The following KCNJ12 variants were observed in gnomAD, a reference collection of about 807,000 sequenced individuals.
The protein encoded by KCNJ12 is potassium inwardly rectifying channel subfamily J member 12.
In KCNJ12, 2 loss-of-function variants were observed where a neutral mutation model predicts 22.3. The observed-to-expected ratio is 0.09, with a 90% confidence interval of 0.04 to 0.28. KCNJ12 has a LOEUF of 0.28. Ranked by LOEUF, KCNJ12 falls within the 10% of genes least tolerant of loss-of-function variation. KCNJ12 has a pLI of 1.00. For missense variants in KCNJ12, 155 were observed against 633.3 expected (o/e 0.24, Z 8.11); for synonymous variants, 117 against 261.4 (o/e 0.45, Z 5.33).
intron 1 of KCNJ12, among the ~76,000 whole-genome samples, chr17:21,386,188 C>T (rs1022021616): frequency 3.5e-4 from 53 of 152,352 alleles, no homozygotes; most frequent in Admixed American, 9.8e-4. Context: ...TGGTTCCTCG[C>T]GGAGCCTCTG....
At chr17:21,387,390 C>T (rs1263888681) in intron 1 of KCNJ12, among the ~76,000 whole-genome samples, 5 of 130,070 alleles carry the variant, frequency 3.8e-5, no homozygotes, top group East Asian at 2.2e-4. Flanking sequence ...TGCAGTGAGC[C>T]GAGATCGCGC....
chr17:21,393,447 C>T (rs1323992568), intron 1 of KCNJ12, among the ~76,000 whole-genome samples: 4 of 151,904 alleles, frequency 2.6e-5, no homozygotes, highest in Non-Finnish European at 5.9e-5. Context: ...CTTCTGCGTG[C>T]GCCCTCCCCT....
At chr17:21,412,046 A>G (rs1408206342) in intron 2 of KCNJ12, among the ~76,000 whole-genome samples, 10 of 152,132 alleles carry the variant, frequency 6.6e-5, no homozygotes, top group Admixed American at 5.9e-4. Flanking sequence ...ACACACACGC[A>G]CACACGGCAG....
chr17:21,400,109 C>G (rs1221810802), intron 1 of KCNJ12, among the ~76,000 whole-genome samples: 4 of 152,204 alleles, frequency 2.6e-5, no homozygotes, highest in Non-Finnish European at 5.9e-5. Flanking sequence ...CTACCTAGTA[C>G]TAGAGGGAGT....
At chr17:21,411,296 T>C (rs1574164) in intron 2 of KCNJ12, among the ~76,000 whole-genome samples, 25 of 152,286 alleles carry the variant, frequency 1.6e-4, no homozygotes, top group South Asian at 1.5e-3. Flanking sequence ...CCAGCCCAGG[T>C]CCTGGTCTGT....
At chr17:21,403,709 G>A (rs1444756510) in intron 1 of KCNJ12, among the ~76,000 whole-genome samples, 1 of 152,094 alleles carries the variant, frequency 6.6e-6, no homozygotes, top group Non-Finnish European at 1.5e-5. Flanking sequence ...CTGTGATGAA[G>A]GGAGAGGGTG....
At chr17:21,381,282 G>A (rs1904859124) in intron 1 of KCNJ12, among the ~76,000 whole-genome samples, 1 of 152,102 alleles carries the variant, frequency 6.6e-6, no homozygotes, top group South Asian at 2.1e-4. Flanking sequence ...CTTGGAGAGG[G>A]GCCAGGGAAC....
At chr17:21,407,734 A>AT (rs1906048423) in intron 1 of KCNJ12, among the ~76,000 whole-genome samples, 1 of 148,372 alleles carries the variant, frequency 6.7e-6, no homozygotes, top group African/African-American at 2.5e-5. Context: ...CATCTATCCA[A>AT]CCATCCATCC....
chr17:21,414,389 C>T (rs576309419), intron 2 of KCNJ12, among the ~76,000 whole-genome samples: 15 of 151,628 alleles, frequency 9.9e-5, no homozygotes, highest in African/African-American at 3.4e-4. Flanking sequence ...GCAGGAGAAT[C>T]GCTTGAACCC....
At chr17:21,385,646 C>T (rs1269838652) in intron 1 of KCNJ12, among the ~76,000 whole-genome samples, 1 of 152,226 alleles carries the variant, frequency 6.6e-6, no homozygotes, top group Non-Finnish European at 1.5e-5. Context: ...GACCCCGCTG[C>T]CCTCCTCTTT....
chr17:21,388,667 C>T (rs1162972275), intron 1 of KCNJ12, among the ~76,000 whole-genome samples: 7 of 152,198 alleles, frequency 4.6e-5, no homozygotes, highest in Admixed American at 2.6e-4. Context: ...ATAATGAAAA[C>T]GACTGCTTAC....
rs1555562713 is a variant in KCNJ12, at chr17:21,416,041, C to T, written c.699C>T (p.Ile233=). The T allele has an allele frequency of 1.9e-6, 3 of 1,609,642 alleles. No individual in the cohort carries two copies. The South Asian group carries it at 3.3e-5, about 18-fold the overall frequency. ...AGGCCCATGTGCGCGCGCAGCTCAT[C>T]AAGCCGCGGGTCACCGAGGAGGGCG... ...IVEAHVRAQL[I]KPRVTEEGEY... The change falls in exon 3 of 3, where the codon ATC becomes ATT. Residue 233 remains isoleucine, a synonymous_variant. Transcript: ENST00000583088.
rs1417852682 is a variant in KCNJ12, at chr17:21,418,261, G to A, written c.*1617G>A. The stretch of plus-strand genomic sequence containing the variant: ...CCAGAAGCCAGTAATCAGAAAGGAT[G>A]TGTCTCCTGCTCCAACTCTGCCCCC... On this transcript the variant is annotated 3_prime_UTR_variant, in exon 3 of 3. Transcript: ENST00000583088. 1.8e-5 allele frequency: 3 copies of A among 166,936 alleles called. No homozygotes were observed. Among genetic ancestry groups the A allele is most frequent in the African/African-American group, 7.3e-5 (3 of 41,370 alleles). 10.3% of individuals were successfully genotyped at this position (166,936 alleles called of 1,614,324 possible). A position where few individuals can be genotyped will look rare whatever the true frequency, so the allele number is the denominator to read the frequency against.
At chr17:21,397,147 T>C (rs1244466471) in intron 1 of KCNJ12, among the ~76,000 whole-genome samples, 1 of 152,250 alleles carries the variant, frequency 6.6e-6, no homozygotes, top group Non-Finnish European at 1.5e-5. Flanking sequence ...CTGCCTCTTA[T>C]AGGCTGTTTG....
chr17:21,392,366 C>G (rs1555559413), intron 1 of KCNJ12, among the ~76,000 whole-genome samples: 1 of 152,178 alleles, frequency 6.6e-6, no homozygotes, highest in East Asian at 1.9e-4. Context: ...TGGGCTGGGC[C>G]CCGAGGGAAG....
chr17:21,417,378 G>C lies in KCNJ12; in HGVS notation c.*734G>C, dbSNP rs76283231. On this transcript the variant is annotated 3_prime_UTR_variant, in exon 3 of 3. Coordinates refer to ENST00000583088, the MANE Select transcript of KCNJ12 (RefSeq NM_021012.5). ...AAAGCTTTCTACTGTCGTTGGGGTGGTGGGTGGGGCTGGGAAGAAACTGGT... is the reference window on the plus strand; with the variant it reads ...AAAGCTTTCTACTGTCGTTGGGGTGCTGGGTGGGGCTGGGAAGAAACTGGT... 11 of 166,944 alleles carry C rather than the reference G, an allele frequency of 6.6e-5. No homozygotes were observed. The East Asian group carries it at 1.7e-3, about 26-fold the overall frequency. 10.3% of individuals were successfully genotyped at this position (166,944 alleles called of 1,614,324 possible).
chr17:21,381,700 G>C (rs1247578098), intron 1 of KCNJ12, among the ~76,000 whole-genome samples: 1 of 152,120 alleles, frequency 6.6e-6, no homozygotes, highest in Non-Finnish European at 1.5e-5. Context: ...TTTCCCCCAT[G>C]TTCCTTTTCC....
At chr17:21,396,592 A>T (rs1444158371) in intron 1 of KCNJ12, among the ~76,000 whole-genome samples, 5 of 151,918 alleles carry the variant, frequency 3.3e-5, no homozygotes, top group Non-Finnish European at 7.4e-5. Flanking sequence ...TGGTTATGGG[A>T]TGCCCGGTGT....
chr17:21,388,616 A>G (rs927429844), intron 1 of KCNJ12, among the ~76,000 whole-genome samples: 28 of 152,248 alleles, frequency 1.8e-4, no homozygotes, highest in African/African-American at 6.5e-4. Flanking sequence ...ATTTCTCAGG[A>G]AGTAGTGTGA....
Sources: allele counts gnomAD v4.1 joint callset (sites outside exome capture counted in the v4.1 genomes callset), GRCh38; gene constraint gnomAD v4.1.1; transcripts MANE v1.5; gene names NCBI Gene and HGNC (gene_info 2026-07-23, HGNC 2026-07-21).